Variants in ADAMTSL2 observed in about 807,000 individuals in gnomAD.
ADAMTSL2 encodes the protein ADAMTS like 2, also known as ADAMTS-like protein 2.
In ADAMTSL2, 55 loss-of-function variants were observed where a neutral mutation model predicts 117.0. That is an observed-to-expected ratio of 0.47 (90% CI 0.38 to 0.59). The LOEUF (loss-of-function observed/expected upper bound fraction) is 0.59, where lower values mean the gene tolerates loss of function less well. Among genes scored for constraint, ADAMTSL2 ranks in the 20% least tolerant of loss-of-function variants. The probability of loss-of-function intolerance (pLI) is 0.00; values close to 1 mark genes in which losing one functional copy is unlikely to be tolerated. For synonymous variants in ADAMTSL2, 572 were observed against 566.4 expected, an observed-to-expected ratio of 1.01 and a Z score of -0.14; for missense variants, 1,182 against 1,354.5, an observed-to-expected ratio of 0.87 and a Z score of 2.00.
In ADAMTSL2 at chr9:133,568,477, G is replaced by T; in HGVS notation, c.2079G>T (p.Glu693Asp). ...GCGGGCCCCAGTGGGAGATGTCGGA[G>T]TGGTCCGAGGTGAGTGCCTGCGGGA... is the stretch of plus-strand genomic sequence containing the variant. ...PACGPQWEMS[E>D]WSECTAKCGE... Residue 693 changes from glutamate to aspartate, a missense_variant, in exon 14 of 19, where the codon GAG becomes GAT. By Grantham distance (45) the Glu-to-Asp change is conservative. This residue lies in a region of ADAMTSL2 where 465 missense variants were observed against 565.3 expected (regional missense o/e 0.82). Coordinates refer to ENST00000651351, the MANE Select transcript of ADAMTSL2 (RefSeq NM_014694.4). 1 of 1,602,958 alleles carries T rather than the reference G, an allele frequency of 6.2e-7. No individual in the cohort carries two copies.
chr9:133,568,805 A>T, intron 15 of ADAMTSL2, 47 bp downstream of exon 15: 1 of 1,611,714 alleles, frequency 6.2e-7, no homozygotes, highest in Non-Finnish European at 8.5e-7. Flanking sequence ...TGGTGAGGGG[A>T]CCCAGAGCTT....
In ADAMTSL2 at chr9:133,546,607, A is replaced by G. The variant is rs989328554; in HGVS notation, c.764-431A>G. ...TCAGCACACCCATGCCAGCCAGGCC[A>G]GGGCTGCAGGGTCACTCTGTGTGGA... On this transcript the variant is annotated intron_variant, in intron 8 of 18. Coordinates refer to ENST00000651351, the MANE Select transcript of ADAMTSL2 (RefSeq NM_014694.4). 2.6e-5 allele frequency among the ~76,000 whole-genome samples: 4 copies of G among 152,044 alleles called. No individual in the cohort carries two copies. The South Asian group carries it at 8.3e-4, about 32-fold the overall frequency.
At chr9:133,544,041 C>T (rs1478282601) in intron 7 of ADAMTSL2, among the ~76,000 whole-genome samples, 1 of 152,208 alleles carries the variant, frequency 6.6e-6, no homozygotes, top group African/African-American at 2.4e-5. Flanking sequence ...TTGAGTGTAG[C>T]TAGCCTTGAA....
rs113136530 is a variant in ADAMTSL2 at position 133,555,601 on chromosome 9, C to T, written c.1320C>T (p.Asp440=). ...CTCCTCTCACCGGGGACAAGGATGA[C>T]GAAGAGGTTGACACCCACTTCGCCT... ...TGTPLTGDKD[D]EEVDTHFASQ... is the part of the protein sequence containing the mutation. Residue 440 remains aspartate, a synonymous_variant, in exon 11 of 19, where the codon GAC becomes GAT. Transcript: ENST00000651351. 369 of 1,613,278 alleles carry T rather than the reference C, an allele frequency of 2.3e-4. No homozygotes were observed. In the East Asian group the frequency reaches 5.3e-3, roughly 23 times the overall value.
At chr9:133,562,467 G>A (rs1336311514) in intron 12 of ADAMTSL2, among the ~76,000 whole-genome samples, 1 of 147,748 alleles carries the variant, frequency 6.8e-6, no homozygotes, top group African/African-American at 2.5e-5. Context: ...ACCGCCGTGG[G>A]CGGCGTGGCG....
intron 11 of ADAMTSL2, 56 bp from the exon 12 acceptor site, chr9:133,561,142 C>A: frequency 6.8e-7 from 1 of 1,462,966 alleles, no homozygotes; most frequent in African/African-American, 1.4e-5. Flanking sequence ...AAAGCCGGAG[C>A]CTGCCGGTGG....
rs1262643971 is a variant in ADAMTSL2 at position 133,557,735 on chromosome 9, G to A, written c.1649+1805G>A. Among the ~76,000 whole-genome samples, 1 of 152,192 alleles carries A rather than the reference G, an allele frequency of 6.6e-6. No homozygotes were observed. Among genetic ancestry groups the A allele is most frequent in the African/African-American group, 2.4e-5 (1 of 41,444 alleles). On this transcript the variant is annotated intron_variant, in intron 11 of 18. Coordinates refer to ENST00000651351, the MANE Select transcript of ADAMTSL2 (RefSeq NM_014694.4). The surrounding 1 kb of genome is among the most constrained non-coding windows in gnomAD (Gnocchi z 5.2). ...GGCCTCCAGTAAGTAGAAGCTATTA[G>A]TAGAAAACTGAGCCTCCAAGTGGCA...
intron 17 of ADAMTSL2, among the ~76,000 whole-genome samples, chr9:133,572,662 A>T (rs1831135207): frequency 6.6e-6 from 1 of 152,146 alleles, no homozygotes; most frequent in Non-Finnish European, 1.5e-5. Flanking sequence ...CCCCAGAAGG[A>T]CAGCCTGGGG....
At position 133,573,760 on chromosome 9, in the gene ADAMTSL2, G is replaced by A. The variant is rs1831164167; in HGVS notation, c.2593-83G>A. 3.2e-6 allele frequency: 5 copies of A among 1,561,988 alleles called. No homozygotes were observed. The South Asian group carries it at 3.4e-5, about 11-fold the overall frequency. The stretch of plus-strand genomic sequence containing the variant: ...TGGGAAGGGTGGGGTGGGGAAGGGG[G>A]AGTGTGCAGGTTCCCCGCCCCCTGC... On this transcript the variant is annotated intron_variant, in intron 17 of 18. Coordinates refer to ENST00000651351, the MANE Select transcript of ADAMTSL2 (RefSeq NM_014694.4).
At chr9:133,534,617 G>C, upstream of ADAMTSL2, 1 of 1,274,136 alleles carries the variant, frequency 7.8e-7, no homozygotes, top group East Asian at 3.2e-5. Flanking sequence ...CGGCCGGCGC[G>C]GGCGGGGGAG....
intron 18 of ADAMTSL2, 51 bp from the exon 19 acceptor site, chr9:133,574,695 C>T (rs1831187286): frequency 4.5e-6 from 7 of 1,548,316 alleles, no homozygotes; most frequent in Non-Finnish European, 8.9e-7. Context: ...GGTTTTCGCC[C>T]CTTGGCCACC....
In ADAMTSL2 at chr9:133,540,683, C is replaced by T. The variant is rs767597729; in HGVS notation, c.498C>T (p.Arg166=). ...DGQRQLMVPA[R]DGTSCKLTDL... ...AGCGGCAGCTCATGGTCCCCGCCCG[C>T]GACGGCACATCCTGCAAGCTCACTG... Residue 166 remains arginine (R), a synonymous_variant, in exon 6 of 19, where the codon CGC becomes CGT. Transcript: ENST00000651351. 2.9e-5 allele frequency: 46 copies of T among 1,613,718 alleles called. No individual in the cohort carries two copies. The highest frequency in any genetic ancestry group is 8.3e-5 in the Admixed American group (5 of 60,010).
Position 133,554,431 on chromosome 9 carries a change from C to T in ADAMTSL2, c.1014C>T (p.Arg338=). 6.4e-7 allele frequency: 1 copy of T among 1,564,736 alleles called. No individual in the cohort carries two copies. The highest frequency in any genetic ancestry group is 8.7e-7 in the Non-Finnish European group (1 of 1,155,038). ...TGCTGCAGCCGCCACACGAGAGCCG[C>T]CCCCAGCCCATCTACTATGGCTTCT... ...YTLLQPPHES[R]PQPIYYGFSE... Residue 338 remains arginine (R), a synonymous_variant, in exon 10 of 19, where the codon CGC becomes CGT. Transcript: ENST00000651351. This position sits in a 1 kb window ranked among gnomAD's most constrained non-coding sequence, Gnocchi z 5.2.
intron 8 of ADAMTSL2, among the ~76,000 whole-genome samples, 176 bp from the exon 9 acceptor site, chr9:133,546,862 G>A (rs569950594): frequency 9.2e-5 from 14 of 152,228 alleles, no homozygotes; most frequent in African/African-American, 3.1e-4. Context: ...AGGAACGTGC[G>A]TTTGCCCCTC....
chr9:133,573,975 A>G lies in ADAMTSL2; in HGVS notation c.2725A>G (p.Thr909Ala). Residue 909 changes from threonine to alanine, a missense_variant, in exon 18 of 19, where the codon ACG becomes GCG. Around this residue, in one of 3 missense-constraint regions of ADAMTSL2, gnomAD observed 465 missense variants for 565.3 expected, o/e 0.82. Transcript: ENST00000651351. ...RQACDLQPCP[T>A]EPPDDSCQDQ... ...GGCCTGTGATCTGCAGCCCTGCCCCACGGAGCCCCCAGGTGAGGCGCGGGG... is the reference window on the plus strand; with the variant it reads ...GGCCTGTGATCTGCAGCCCTGCCCCGCGGAGCCCCCAGGTGAGGCGCGGGG... 6.2e-7 allele frequency: 1 copy of G among 1,613,446 alleles called. No individual in the cohort carries two copies. Among genetic ancestry groups the G allele is most frequent in the South Asian group, 1.1e-5 (1 of 91,012 alleles).
chr9:133,562,575 T>G (rs9330154), intron 12 of ADAMTSL2, among the ~76,000 whole-genome samples: 10,156 of 44,038 alleles, frequency 0.23, 1,896 homozygotes, highest in African/African-American at 0.32. Flanking sequence ...GCGGGCACCC[T>G]GCTGGGCCCG....
At chr9:133,563,820 A>G (rs915058189) in intron 12 of ADAMTSL2, among the ~76,000 whole-genome samples, 34 of 33,864 alleles carry the variant, frequency 1.0e-3, no homozygotes, top group African/African-American at 2.5e-3. Flanking sequence ...AGAAAGGGGG[A>G]GAGAGAGAGA....
chr9:133,553,097 T>C (rs930529580), intron 9 of ADAMTSL2, among the ~76,000 whole-genome samples: 1 of 152,188 alleles, frequency 6.6e-6, no homozygotes, highest in Admixed American at 6.5e-5. Flanking sequence ...CGCGTGGCCG[T>C]GAAGGCAGAG....
At position 133,558,110 on chromosome 9, in the gene ADAMTSL2, C is replaced by G. The variant is rs34361617; in HGVS notation, c.1649+2180C>G. ...GTTGACTCTTACCCTCCCCTCTTAG[C>G]CCCCCGCCCCAGGATATATTGAATT... On this transcript the variant is annotated intron_variant, in intron 11 of 18. Coordinates refer to ENST00000651351, the MANE Select transcript of ADAMTSL2 (RefSeq NM_014694.4). This position sits in a 1 kb window ranked among gnomAD's most constrained non-coding sequence, Gnocchi z 4.3. Among the ~76,000 whole-genome samples the G allele has an allele frequency of 0.043, 6,572 of 152,280 alleles. 197 individuals are homozygous for G. The highest frequency in any genetic ancestry group is 0.083 in the African/African-American group (3,434 of 41,546).
Sources: gnomAD v4.1 joint callset for allele counts (sites outside exome capture counted in the v4.1 genomes callset) on GRCh38, gnomAD v4.1.1 for gene constraint, gnomAD v4.1.1 regional missense constraint, Gnocchi (gnomAD v3.1) non-coding constraint, MANE v1.5 for transcripts, NCBI Gene and HGNC (gene_info 2026-07-23, HGNC 2026-07-21) for gene names.